KBTBD12: variants seen among roughly 807,000 people sequenced by gnomAD.
The protein encoded by KBTBD12 is kelch repeat and BTB domain-containing protein 12.
Under a neutral mutation model 58.7 loss-of-function variants are expected in KBTBD12, and 53 were observed. The ratio of observed to expected loss-of-function variants is 0.90; its 90% CI spans 0.72 to 1.14. The LOEUF is 1.14. KBTBD12 is among the 50% of genes most tolerant of loss of function. The pLI is 0.00. For missense variants in KBTBD12, 704 were observed against 751.3 expected, an observed-to-expected ratio of 0.94 and a Z score of 0.74; for synonymous variants, 236 against 259.8, an observed-to-expected ratio of 0.91 and a Z score of 0.88.
chr3:127,921,217 A>G (rs1939398705), intron 1 of KBTBD12, among the ~76,000 whole-genome samples: 1 of 152,134 alleles, frequency 6.6e-6, no homozygotes. Context: ...CTAGAACATA[A>G]AGAGGCTAAG....
chr3:127,965,003 G>T (rs1355653051), intron 5 of KBTBD12, among the ~76,000 whole-genome samples: 1 of 152,170 alleles, frequency 6.6e-6, no homozygotes, highest in Admixed American at 6.5e-5. Flanking sequence ...AGGAGGGAGA[G>T]CCCTGGTGCT....
intron 4 of KBTBD12, among the ~76,000 whole-genome samples, chr3:127,936,814 C>T (rs1330843407): frequency 6.6e-6 from 1 of 152,146 alleles, no homozygotes; most frequent in Admixed American, 6.6e-5. Context: ...TTACATCTCT[C>T]ATCTCAGAGG....
At chr3:127,944,174 A>G (rs535623400) in intron 4 of KBTBD12, among the ~76,000 whole-genome samples, 1 of 152,252 alleles carries the variant, frequency 6.6e-6, no homozygotes, top group African/African-American at 2.4e-5. Context: ...GGAGTCGTTC[A>G]TGGTTCCACA....
At chr3:127,946,860 T>C (rs1488213551) in intron 4 of KBTBD12, among the ~76,000 whole-genome samples, 1 of 152,232 alleles carries the variant, frequency 6.6e-6, no homozygotes, top group Non-Finnish European at 1.5e-5. Flanking sequence ...TTTATTGAAC[T>C]ATCTTCAAGT....
intron 5 of KBTBD12, among the ~76,000 whole-genome samples, chr3:127,979,971 C>A (rs1940846415): frequency 6.6e-6 from 1 of 152,182 alleles, no homozygotes; most frequent in Non-Finnish European, 1.5e-5. Context: ...TGTACTAACA[C>A]ATACACTCAG....
chr3:127,963,096 T>C, intron 4 of KBTBD12, 93 bp from the exon 5 acceptor site: 1 of 1,151,272 alleles, frequency 8.7e-7, no homozygotes, highest in South Asian at 1.6e-5. Flanking sequence ...TACAGTCCCA[T>C]AAACCTTTGA....
chr3:127,919,020 T>C (rs1939332046), intron 1 of KBTBD12, among the ~76,000 whole-genome samples: 1 of 152,098 alleles, frequency 6.6e-6, no homozygotes, highest in South Asian at 2.1e-4. Flanking sequence ...TCTGACATCA[T>C]AATGTTGATG....
intron 4 of KBTBD12, among the ~76,000 whole-genome samples, chr3:127,947,536 A>T (rs1375052203): frequency 1.3e-5 from 2 of 152,184 alleles, no homozygotes; most frequent in Non-Finnish European, 2.9e-5. Flanking sequence ...TGGAGACCAC[A>T]TGTGTGTTTG....
chr3:127,945,791 G>A (rs1395968572), intron 4 of KBTBD12, among the ~76,000 whole-genome samples: 5 of 149,954 alleles, frequency 3.3e-5, no homozygotes, highest in Non-Finnish European at 5.9e-5. Context: ...CGACTTTTCT[G>A]CCTTAGCCTC....
chr3:127,918,717 A>G (rs1339981128), intron 1 of KBTBD12, among the ~76,000 whole-genome samples: 1 of 151,950 alleles, frequency 6.6e-6, no homozygotes, highest in Admixed American at 6.6e-5. Flanking sequence ...GTCTCAAAAA[A>G]AAAAAAAAGA....
Position 127,984,336 on chromosome 3 carries a change from G to T in KBTBD12, c.*58G>T. ...GCAAACAAGGCCTTCAGAACGGAGA[G>T]GGCCCACAGCATCTCTGTCATGCCA... On this transcript the variant is annotated 3_prime_UTR_variant, in exon 6 of 6. Coordinates refer to ENST00000405109, the MANE Select transcript of KBTBD12 (RefSeq NM_207335.4). 1 of 1,472,666 alleles carries T rather than the reference G, an allele frequency of 6.8e-7. No individual in the cohort carries two copies. Among genetic ancestry groups the T allele is most frequent in the Non-Finnish European group, 9.4e-7 (1 of 1,067,808 alleles). The allele number at this position is 1,472,666 out of a possible 1,614,324, so 91.2% of individuals were successfully genotyped here. A position where few individuals can be genotyped will look rare whatever the true frequency, so the allele number is the denominator to read the frequency against.
At chr3:127,964,366 G>A (rs1940517885) in intron 5 of KBTBD12, among the ~76,000 whole-genome samples, 1 of 151,954 alleles carries the variant, frequency 6.6e-6, no homozygotes, top group Admixed American at 6.6e-5. Context: ...GGGCGCGGTG[G>A]CTCACACCTG....
At chr3:127,959,372 C>T (rs536497684) in intron 4 of KBTBD12, among the ~76,000 whole-genome samples, 1 of 152,324 alleles carries the variant, frequency 6.6e-6, no homozygotes, top group South Asian at 2.1e-4. Context: ...TTTCCCTCTG[C>T]CTGAAGCCTG....
At chr3:127,949,369 G>C (rs1345952233) in intron 4 of KBTBD12, among the ~76,000 whole-genome samples, 1 of 152,168 alleles carries the variant, frequency 6.6e-6, no homozygotes, top group African/African-American at 2.4e-5. Context: ...ACAAGAGCCA[G>C]CCCACAGAGA....
chr3:127,954,310 G>GA lies in KBTBD12; in HGVS notation c.1493-8875dup, dbSNP rs201789363. Among the ~76,000 whole-genome samples the GA allele has an allele frequency of 8.3e-3, 1,264 of 152,248 alleles. 17 individuals carry two copies. The highest frequency in any genetic ancestry group is 0.027 in the African/African-American group (1,133 of 41,542). ...AATCCATTTTATGAATAATAAAGTA[G>GA]AAAATGAATCAAATACAGACTCCTA... On this transcript the variant is annotated intron_variant, in intron 4 of 5. Transcript: ENST00000405109.
chr3:127,950,993 A>T (rs572775454), intron 4 of KBTBD12, among the ~76,000 whole-genome samples: 1 of 152,142 alleles, frequency 6.6e-6, no homozygotes, highest in Non-Finnish European at 1.5e-5. Context: ...CGCACCATGC[A>T]CTCTAACCTG....
chr3:127,927,304 A>G (rs1009901243), intron 2 of KBTBD12, among the ~76,000 whole-genome samples: 11 of 152,258 alleles, frequency 7.2e-5, no homozygotes, highest in African/African-American at 2.6e-4. Flanking sequence ...AAATTTGTGA[A>G]TTGAGATGTT....
At chr3:127,982,748 G>A (rs1031998848) in intron 5 of KBTBD12, among the ~76,000 whole-genome samples, 2 of 152,190 alleles carry the variant, frequency 1.3e-5, no homozygotes, top group African/African-American at 4.8e-5. Context: ...TCCCCAGACA[G>A]CTCCCCTGTC....
At chr3:127,917,165 T>G (rs561006139) in intron 1 of KBTBD12, among the ~76,000 whole-genome samples, 1 of 152,334 alleles carries the variant, frequency 6.6e-6, no homozygotes, top group East Asian at 1.9e-4. Flanking sequence ...TCCCACAGGC[T>G]GAGAGCTCAG....
Sources: gnomAD v4.1 joint callset for allele counts (sites outside exome capture counted in the v4.1 genomes callset) on GRCh38, gnomAD v4.1.1 for gene constraint, MANE v1.5 for transcripts, NCBI Gene and HGNC (gene_info 2026-07-23, HGNC 2026-07-21) for gene names.